The following LARP1 variants were observed in gnomAD, a reference collection of about 807,000 sequenced individuals.
The protein encoded by LARP1 is La ribonucleoprotein 1, translational regulator.
In LARP1, 36 loss-of-function variants were observed where a neutral mutation model predicts 122.7. The ratio of observed to expected loss-of-function variants is 0.29; its 90% CI spans 0.22 to 0.39. The LOEUF (loss-of-function observed/expected upper bound fraction) is 0.39. Ranked by LOEUF, LARP1 falls within the 10% of genes least tolerant of loss-of-function variation. LARP1 has a pLI of 1.00. For synonymous variants in LARP1, 539 were observed against 528.7 expected (o/e 1.02, Z -0.27); for missense variants, 1,040 against 1,403.6 (o/e 0.74, Z 4.14).
intron 1 of LARP1, among the ~76,000 whole-genome samples, chr5:154,714,456 G>A (rs968102575): frequency 3.3e-5 from 5 of 152,190 alleles, no homozygotes; most frequent in Admixed American, 1.3e-4. Flanking sequence ...ATTTTCTAAC[G>A]ACTCGTGGGA....
At chr5:154,698,418 G>A (rs1168581921) in intron 1 of LARP1, among the ~76,000 whole-genome samples, 2 of 152,064 alleles carry the variant, frequency 1.3e-5, no homozygotes, top group African/African-American at 4.8e-5. Flanking sequence ...CCAACATGGT[G>A]AAACACTGTC....
rs191958307 is a variant in LARP1, at chr5:154,776,819, C to T, written c.437-13506C>T. 5.4e-4 allele frequency among the ~76,000 whole-genome samples: 82 copies of T among 152,302 alleles called. 1 individual carries two copies. Among genetic ancestry groups the T allele is most frequent in the Admixed American group, 5.4e-3 (82 of 15,306 alleles). On this transcript the variant is annotated intron_variant, in intron 1 of 18. Transcript: ENST00000518297. ...AAATGTGAAGTGAGTGTTTTTCAAACTACCTTCTGCTCAGGAACTCCTGCT... is the reference window on the plus strand; with the variant it reads ...AAATGTGAAGTGAGTGTTTTTCAAATTACCTTCTGCTCAGGAACTCCTGCT...
intron 1 of LARP1, among the ~76,000 whole-genome samples, chr5:154,767,374 C>T (rs1475411041): frequency 6.6e-6 from 1 of 152,206 alleles, no homozygotes; most frequent in Non-Finnish European, 1.5e-5. Flanking sequence ...TAACAGAAGT[C>T]AGGTGCTATA....
chr5:154,742,881 G>A (rs879308842), intron 1 of LARP1, among the ~76,000 whole-genome samples: 5 of 152,136 alleles, frequency 3.3e-5, no homozygotes, highest in Admixed American at 6.6e-5. Context: ...TAGCAATAGA[G>A]CCAGAACTGG....
At chr5:154,766,523 C>T (rs1199530613) in intron 1 of LARP1, among the ~76,000 whole-genome samples, 4 of 152,212 alleles carry the variant, frequency 2.6e-5, no homozygotes, top group Admixed American at 1.3e-4. Flanking sequence ...GAATGCATCT[C>T]ATTTGCTGGA....
intron 1 of LARP1, among the ~76,000 whole-genome samples, chr5:154,785,857 C>T (rs1756839237): frequency 6.6e-6 from 1 of 152,162 alleles, no homozygotes; most frequent in South Asian, 2.1e-4. Flanking sequence ...CCTTCTACCC[C>T]TCATTTCTCT....
intron 1 of LARP1, chr5:154,786,682 T>TAGAC (rs1756913378): frequency 3.5e-6 from 1 of 282,474 alleles, no homozygotes; most frequent in South Asian, 2.9e-5. Flanking sequence ...TCCTCGCCAG[T>TAGAC]AGACACATGG....
chr5:154,716,799 C>T (rs574487737), intron 1 of LARP1, among the ~76,000 whole-genome samples: 1 of 152,284 alleles, frequency 6.6e-6, no homozygotes, highest in Admixed American at 6.5e-5. Context: ...GCAGCTCACA[C>T]CTGTAATCCC....
intron 1 of LARP1, among the ~76,000 whole-genome samples, chr5:154,766,841 A>G (rs1159524993): frequency 6.6e-6 from 1 of 152,204 alleles, no homozygotes. Flanking sequence ...AGTTGTCAGC[A>G]CTGTCTCCAT....
chr5:154,707,251 A>T (rs540083682), intron 1 of LARP1, among the ~76,000 whole-genome samples: 2 of 152,298 alleles, frequency 1.3e-5, no homozygotes, highest in South Asian at 4.1e-4. Flanking sequence ...CTAAAAAAAA[A>T]TGTTTTAATG....
Position 154,811,273 on chromosome 5 carries a change from A to G in LARP1, c.2870A>G (p.Tyr957Cys). 3 of 1,614,156 alleles carry G rather than the reference A, an allele frequency of 1.9e-6. No homozygotes were observed. Among genetic ancestry groups the G allele is most frequent in the Non-Finnish European group, 2.5e-6 (3 of 1,180,012 alleles). The change falls in exon 17 of 19, where the codon TAC becomes TGC. Residue 957 changes from tyrosine to cysteine, a missense_variant. By Grantham distance (194) the Tyr-to-Cys change is radical (BLOSUM62 -2). Coordinates refer to ENST00000518297, the MANE Select transcript of LARP1 (RefSeq NM_033551.3). The stretch of plus-strand genomic sequence containing the variant: ...TATGGTTTGGAGTGCCTTTTTCGAT[A>G]CTACAGTTATGGCCTGGAAAAGAAG... Reference protein sequence around the residue: ...YRYGLECLFRYYSYGLEKKFR... With the variant: ...YRYGLECLFRCYSYGLEKKFR...
intron 1 of LARP1, among the ~76,000 whole-genome samples, chr5:154,775,807 G>A (rs528281503): frequency 1.3e-5 from 2 of 152,274 alleles, no homozygotes. Context: ...GGTAGCCTGG[G>A]ATTTCATATC....
At chr5:154,740,659 C>T (rs1752831721) in intron 1 of LARP1, among the ~76,000 whole-genome samples, 1 of 152,176 alleles carries the variant, frequency 6.6e-6, no homozygotes. Context: ...CCTTTCACCC[C>T]TATGCTACAC....
At chr5:154,685,879 T>C (rs780227308) in intron 1 of LARP1, 1 of 507,860 alleles carries the variant, frequency 2.0e-6, no homozygotes, top group South Asian at 1.4e-5. Context: ...ATGTAAACTG[T>C]ACAGCCCTAA....
At chr5:154,707,305 G>A (rs1330224884) in intron 1 of LARP1, among the ~76,000 whole-genome samples, 7 of 152,122 alleles carry the variant, frequency 4.6e-5, no homozygotes, top group Admixed American at 3.3e-4. Flanking sequence ...ATTTAAATAC[G>A]TTTGATATTT....
intron 1 of LARP1, among the ~76,000 whole-genome samples, chr5:154,779,570 G>A (rs750273984): frequency 4.0e-5 from 6 of 148,246 alleles, no homozygotes; most frequent in South Asian, 2.2e-4. Context: ...GTGCAGTGGC[G>A]CAATCTCGGC....
chr5:154,701,984 G>A (rs114894747), intron 1 of LARP1, among the ~76,000 whole-genome samples: 129 of 152,214 alleles, frequency 8.5e-4, no homozygotes, highest in African/African-American at 3.1e-3. Context: ...GTGGACCTGA[G>A]CCTTTTTGTG....
At chr5:154,738,863 A>C (rs1757060985) in intron 1 of LARP1, among the ~76,000 whole-genome samples, 2 of 152,188 alleles carry the variant, frequency 1.3e-5, no homozygotes, top group Non-Finnish European at 2.9e-5. Context: ...TCAAGGATAC[A>C]ATAAGCTATG....
At chr5:154,807,796 C>T (rs558703326) in intron 15 of LARP1, among the ~76,000 whole-genome samples, 9 of 152,176 alleles carry the variant, frequency 5.9e-5, no homozygotes, top group Non-Finnish European at 5.9e-5. Context: ...TTAAGCAGTC[C>T]TCCCTCCTCA....
Sources: gnomAD v4.1 joint callset for allele counts (sites outside exome capture counted in the v4.1 genomes callset) on GRCh38, gnomAD v4.1.1 for gene constraint, MANE v1.5 for transcripts, NCBI Gene and HGNC (gene_info 2026-07-23, HGNC 2026-07-21) for gene names.